RBFOX1: variants seen among roughly 807,000 people sequenced by gnomAD.
RBFOX1 encodes RNA binding protein fox-1 homolog 1.
RBFOX1 carries 8 observed loss-of-function variants against 57.7 expected under a neutral mutation model. The ratio of observed to expected loss-of-function variants is 0.14; its 90% CI spans 0.08 to 0.25. The LOEUF (loss-of-function observed/expected upper bound fraction) is 0.25. RBFOX1 is among the 10% of genes least tolerant of loss of function. The pLI is 1.00. For missense variants in RBFOX1, 611 were observed against 548.5 expected, an observed-to-expected ratio of 1.11 and a Z score of -1.14; for synonymous variants, 326 against 222.4, an observed-to-expected ratio of 1.47 and a Z score of -4.15.
chr16:6,780,833 G>C (rs1329148535), intron 3 of RBFOX1, among the ~76,000 whole-genome samples: 2 of 151,644 alleles, frequency 1.3e-5, no homozygotes, highest in African/African-American at 4.8e-5. Flanking sequence ...TTTTTATTTG[G>C]ATTATTTGGG....
intron 3 of RBFOX1, among the ~76,000 whole-genome samples, chr16:5,685,436 A>G (rs1343020311): frequency 1.3e-5 from 2 of 152,200 alleles, no homozygotes; most frequent in South Asian, 2.1e-4. Flanking sequence ...CATCAGCCTA[A>G]TAGGAGCTTG....
At chr16:5,835,323 G>C (rs138490690) in intron 3 of RBFOX1, among the ~76,000 whole-genome samples, 148 of 152,330 alleles carry the variant, frequency 9.7e-4, no homozygotes, top group Non-Finnish European at 2.0e-3. Context: ...GGCAGGGCAC[G>C]TAGACAACTA....
chr16:5,946,786 A>G lies in RBFOX1; in HGVS notation c.351+79451A>G, dbSNP rs2059408602. Among the ~76,000 whole-genome samples, 1 of 152,300 alleles carries G rather than the reference A, an allele frequency of 6.6e-6. No individual in the cohort carries two copies. Among genetic ancestry groups the G allele is most frequent in the South Asian group, 2.1e-4 (1 of 4,828 alleles). The stretch of plus-strand genomic sequence containing the variant: ...GGAATCTGATTCTAACTCCAGGTGG[A>G]TCATGTCAGAATTGAACTGTAGGAC... On this transcript the variant is annotated intron_variant, in intron 4 of 19. Transcript: ENST00000641259. This position sits in a 1 kb window ranked among gnomAD's most constrained non-coding sequence, Gnocchi z 4.6.
chr16:5,368,086 T>C (rs1444173216), intron 1 of RBFOX1, among the ~76,000 whole-genome samples: 2 of 152,208 alleles, frequency 1.3e-5, no homozygotes, highest in Non-Finnish European at 2.9e-5. Context: ...ACAAATCAGT[T>C]CAGCCCATTA....
chr16:7,030,708 A>G (rs1427581911), intron 3 of RBFOX1, among the ~76,000 whole-genome samples: 3 of 152,134 alleles, frequency 2.0e-5, no homozygotes, highest in African/African-American at 7.2e-5. Context: ...AAATAAGGCC[A>G]CATTCTGAGG....
chr16:5,925,485 T>A (rs1400263557), intron 4 of RBFOX1, among the ~76,000 whole-genome samples: 1 of 152,150 alleles, frequency 6.6e-6, no homozygotes, highest in Non-Finnish European at 1.5e-5. Context: ...AGATTAATGG[T>A]TGAACATAAA....
intron 4 of RBFOX1, among the ~76,000 whole-genome samples, chr16:7,058,427 CAG>C (rs2053161875): frequency 6.6e-6 from 1 of 152,156 alleles, no homozygotes; most frequent in African/African-American, 2.4e-5. Flanking sequence ...TATTAAGAAT[CAG>C]GGGCCTGGAG....
chr16:5,722,415 A>C (rs1431448972), intron 3 of RBFOX1, among the ~76,000 whole-genome samples: 2 of 152,210 alleles, frequency 1.3e-5, no homozygotes, highest in African/African-American at 2.4e-5. Context: ...GTCATTAGTC[A>C]AGGGCTCTGC....
intron 4 of RBFOX1, among the ~76,000 whole-genome samples, chr16:5,930,753 G>A (rs2059036041): frequency 8.9e-6 from 1 of 112,014 alleles, no homozygotes; most frequent in Non-Finnish European, 1.8e-5. Context: ...AGGGTGGATG[G>A]ATGCATGGAT....
At chr16:6,596,878 C>T (rs1436154702) in intron 2 of RBFOX1, among the ~76,000 whole-genome samples, 1 of 152,122 alleles carries the variant, frequency 6.6e-6, no homozygotes, top group Non-Finnish European at 1.5e-5. Flanking sequence ...AGAGAAATAG[C>T]TAAAGATGTA....
intron 3 of RBFOX1, among the ~76,000 whole-genome samples, chr16:6,763,668 C>T (rs554010130): frequency 1.8e-4 from 27 of 152,302 alleles, no homozygotes; most frequent in African/African-American, 5.3e-4. Flanking sequence ...AGCAAAGTAT[C>T]GGGTCTGTTT....
chr16:6,308,410 A>G (rs904230874), intron 1 of RBFOX1, among the ~76,000 whole-genome samples: 8 of 152,230 alleles, frequency 5.3e-5, no homozygotes, highest in Non-Finnish European at 8.8e-5. Context: ...AAGCAATCTT[A>G]GATAACACTT....
chr16:5,648,225 C>T (rs998433129), intron 3 of RBFOX1, among the ~76,000 whole-genome samples: 53 of 152,254 alleles, frequency 3.5e-4, no homozygotes, highest in African/African-American at 1.2e-3. Flanking sequence ...GAGGAGAATT[C>T]AGGGAAAACC....
intron 2 of RBFOX1, among the ~76,000 whole-genome samples, chr16:6,641,681 G>A (rs2098489424): frequency 1.5e-5 from 2 of 131,824 alleles, no homozygotes; most frequent in Admixed American, 1.6e-4. Flanking sequence ...GTTGCAGTGA[G>A]CTGAGATGGC....
chr16:6,636,551 C>A (rs1456835810), intron 2 of RBFOX1, among the ~76,000 whole-genome samples: 1 of 151,732 alleles, frequency 6.6e-6, no homozygotes, highest in Admixed American at 6.6e-5. Flanking sequence ...TACTGTAGCA[C>A]ATATCAGAAG....
rs551632746 is a variant in RBFOX1, at chr16:5,279,784, G to T, written c.219+39679G>T. Among the ~76,000 whole-genome samples, 346 of 152,314 alleles carry T rather than the reference G, an allele frequency of 2.3e-3. 2 individuals are homozygous for T. Among genetic ancestry groups the T allele is most frequent in the African/African-American group, 7.9e-3 (328 of 41,572 alleles). Reference sequence around the variant, plus strand: ...CCCAAAGTGCTGGGATTACAGGCATGAGCCACCTTGCGCAGCCTAATTTAT... The same window carrying T: ...CCCAAAGTGCTGGGATTACAGGCATTAGCCACCTTGCGCAGCCTAATTTAT... On this transcript the variant is annotated intron_variant, in intron 1 of 2. Coordinates refer to the RBFOX1 transcript ENST00000585867.
intron 2 of RBFOX1, among the ~76,000 whole-genome samples, chr16:5,575,155 A>G (rs920650848): frequency 3.9e-5 from 6 of 152,204 alleles, no homozygotes; most frequent in Admixed American, 2.6e-4. Context: ...CATTACAACT[A>G]TGATGCTTCT....
intron 1 of RBFOX1, among the ~76,000 whole-genome samples, chr16:6,068,140 G>A (rs918437784): frequency 6.6e-5 from 10 of 152,104 alleles, no homozygotes; most frequent in African/African-American, 2.4e-4. Context: ...ACATGGTTCT[G>A]TAGGGATGCG....
chr16:6,958,243 A>G (rs923281351), intron 3 of RBFOX1, among the ~76,000 whole-genome samples: 3 of 152,216 alleles, frequency 2.0e-5, no homozygotes, highest in African/African-American at 7.2e-5. Flanking sequence ...GCCCTGCACG[A>G]TGCAGCCGTT....
Sources: allele counts gnomAD v4.1 joint callset (sites outside exome capture counted in the v4.1 genomes callset), GRCh38; gene constraint gnomAD v4.1.1; non-coding constraint Gnocchi (gnomAD v3.1); transcripts MANE v1.5; gene names NCBI Gene and HGNC (gene_info 2026-07-23, HGNC 2026-07-21).